RPH3A: variants seen among roughly 807,000 people sequenced by gnomAD.
The protein encoded by RPH3A is rabphilin 3A.
Under a neutral mutation model 102.2 loss-of-function variants are expected in RPH3A, and 48 were observed. The ratio of observed to expected loss-of-function variants is 0.47; its 90% confidence interval spans 0.37 to 0.60. The LOEUF is 0.60. RPH3A is among the 20% of genes least tolerant of loss of function. RPH3A has a pLI of 0.00. For missense variants in RPH3A, 781 were observed against 910.1 expected (o/e 0.86, Z 1.83); for synonymous variants, 310 against 324.3 (o/e 0.96, Z 0.47).
At chr12:112,738,349 T>C (rs1043739397) in intron 1 of RPH3A, among the ~76,000 whole-genome samples, 1 of 152,058 alleles carries the variant, frequency 6.6e-6, no homozygotes, top group African/African-American at 2.4e-5. Flanking sequence ...TGCATCACTC[T>C]TTCCTTTTCT....
chr12:112,595,448 G>A lies in RPH3A; in HGVS notation c.-140+20129G>A, dbSNP rs189069402. ...ATCATGCAGCAAAATATTTCCCTTA[G>A]CTGAGATACTCCATTTTTGAATGTT... On this transcript the variant is annotated intron_variant, in intron 1 of 21. Coordinates refer to the RPH3A transcript ENST00000543106. 2.0e-4 allele frequency among the ~76,000 whole-genome samples: 31 copies of A among 152,262 alleles called. 1 individual carries two copies. The highest frequency in any genetic ancestry group is 1.0e-3 in the Admixed American group (16 of 15,294).
At chr12:112,598,246 A>G (rs966583880) in intron 1 of RPH3A, among the ~76,000 whole-genome samples, 24 of 152,326 alleles carry the variant, frequency 1.6e-4, no homozygotes, top group African/African-American at 5.5e-4. Context: ...GGAAAGCTAC[A>G]AGGAGTGTTC....
At chr12:112,766,479 C>T (rs2040889937) in intron 1 of RPH3A, among the ~76,000 whole-genome samples, 1 of 152,016 alleles carries the variant, frequency 6.6e-6, no homozygotes, top group South Asian at 2.1e-4. Flanking sequence ...AAGGAGTGTT[C>T]CCATGGGAGA....
intron 1 of RPH3A, among the ~76,000 whole-genome samples, chr12:112,608,773 C>T (rs1337545466): frequency 2.0e-5 from 3 of 152,156 alleles, no homozygotes; most frequent in Non-Finnish European, 4.4e-5. Context: ...TCAAAATCTG[C>T]TTTACACTTA....
chr12:112,639,569 A>T (rs2039871862), intron 1 of RPH3A, among the ~76,000 whole-genome samples: 1 of 152,126 alleles, frequency 6.6e-6, no homozygotes, highest in South Asian at 2.1e-4. Context: ...AGGTGATGGG[A>T]TGATCTGTGC....
chr12:112,647,814 G>A (rs1423812938), intron 1 of RPH3A, among the ~76,000 whole-genome samples: 1 of 152,186 alleles, frequency 6.6e-6, no homozygotes, highest in Non-Finnish European at 1.5e-5. Flanking sequence ...GGAGGGTGGT[G>A]GGTGCAGCTG....
chr12:112,646,530 C>T (rs1254966515), intron 1 of RPH3A, among the ~76,000 whole-genome samples: 1 of 152,186 alleles, frequency 6.6e-6, no homozygotes, highest in African/African-American at 2.4e-5. Flanking sequence ...GTTGGAGGCT[C>T]TCAGCCGGTC....
intron 1 of RPH3A, among the ~76,000 whole-genome samples, chr12:112,598,288 C>T (rs1424668399): frequency 3.9e-5 from 6 of 152,208 alleles, no homozygotes; most frequent in Admixed American, 6.5e-5. Flanking sequence ...TCTCTATCCA[C>T]TGACTTAGCA....
Position 112,868,809 on chromosome 12 carries a change from G to T in RPH3A, c.610+214G>T, listed in dbSNP as rs547933652. On this transcript the variant is annotated intron_variant, in intron 8 of 21. Coordinates refer to ENST00000389385, the MANE Select transcript of RPH3A (RefSeq NM_001143854.2). ...GGGAACTCTCCAGCAATGCCAAGCC[G>T]CCCAGAGGCTTCATTGTCATCCCTG... The T allele has an allele frequency of 8.4e-6, 4 of 478,254 alleles. No homozygotes were observed. The South Asian group carries it at 2.1e-4, about 25-fold the overall frequency. The allele number at this position is 478,254 out of a possible 1,614,324, so 29.6% of individuals were successfully genotyped here.
chr12:112,859,554 G>A (rs1482249991), intron 5 of RPH3A, among the ~76,000 whole-genome samples: 2 of 152,120 alleles, frequency 1.3e-5, no homozygotes, highest in African/African-American at 4.8e-5. Context: ...ACATATTTGA[G>A]TGCACACAAT....
chr12:112,841,803 A>G (rs2136179581), intron 4 of RPH3A, among the ~76,000 whole-genome samples: 1 of 151,338 alleles, frequency 6.6e-6, no homozygotes, highest in Middle Eastern at 3.4e-3. Flanking sequence ...GAGCTGCAGG[A>G]AGGATTTGTC....
intron 1 of RPH3A, among the ~76,000 whole-genome samples, chr12:112,681,335 A>G (rs1592940969): frequency 1.3e-5 from 2 of 152,266 alleles, no homozygotes; most frequent in Admixed American, 1.3e-4. Context: ...CAGGTCTGCA[A>G]CCCATTCTCA....
chr12:112,605,681 A>G (rs2039591292), intron 1 of RPH3A, among the ~76,000 whole-genome samples: 1 of 152,148 alleles, frequency 6.6e-6, no homozygotes, highest in South Asian at 2.1e-4. Flanking sequence ...CCCAGCTTTC[A>G]TCCATTATAT....
chr12:112,678,291 A>AGAGAGAGAGAGAG (rs1566255250), intron 1 of RPH3A, among the ~76,000 whole-genome samples: 4 of 30,706 alleles, frequency 1.3e-4, no homozygotes, highest in African/African-American at 3.1e-4. Flanking sequence ...GAAAGAAAGA[A>AGAGAGAGAGAGAG]AGAAAGAAAG....
chr12:112,847,270 C>T (rs908637447), intron 4 of RPH3A, among the ~76,000 whole-genome samples: 13 of 152,240 alleles, frequency 8.5e-5, no homozygotes, highest in African/African-American at 3.1e-4. Flanking sequence ...TTTTTGGAGA[C>T]CTAGTTGGCA....
chr12:112,773,846 C>T (rs2040944826), intron 1 of RPH3A, among the ~76,000 whole-genome samples: 1 of 151,792 alleles, frequency 6.6e-6, no homozygotes, highest in Non-Finnish European at 1.5e-5. Context: ...TTTGGGAGGC[C>T]GAGGCAGGCG....
intron 4 of RPH3A, among the ~76,000 whole-genome samples, chr12:112,846,096 C>T (rs540134603): frequency 2.0e-4 from 30 of 152,162 alleles, no homozygotes; most frequent in African/African-American, 6.8e-4. Context: ...AGGTAAAGGA[C>T]GGACCAGGTA....
chr12:112,678,076 A>G (rs1356875730), intron 1 of RPH3A, among the ~76,000 whole-genome samples: 1 of 151,816 alleles, frequency 6.6e-6, no homozygotes, highest in Admixed American at 6.6e-5. Flanking sequence ...GCATGCCTGT[A>G]GTCCCAGCTA....
intron 4 of RPH3A, among the ~76,000 whole-genome samples, chr12:112,839,965 G>A (rs994305219): frequency 3.3e-5 from 5 of 152,050 alleles, no homozygotes; most frequent in African/African-American, 1.2e-4. Flanking sequence ...CTCCAGCCTG[G>A]GCAACCGAGT....
Sources: gnomAD v4.1 joint callset for allele counts (sites outside exome capture counted in the v4.1 genomes callset) on GRCh38, gnomAD v4.1.1 for gene constraint, MANE v1.5 for transcripts, NCBI Gene and HGNC (gene_info 2026-07-23, HGNC 2026-07-21) for gene names.